Variants in NRDC observed in about 807,000 individuals in gnomAD.
NRDC encodes nardilysin convertase, also known as nardilysin.
NRDC carries 54 observed loss-of-function variants against 147.1 expected under a neutral mutation model. That is an observed-to-expected ratio of 0.37 (90% CI 0.29 to 0.46). NRDC has a LOEUF of 0.46. Ranked by LOEUF, NRDC falls within the 20% of genes least tolerant of loss-of-function variation. The pLI is 1.00. For synonymous variants in NRDC, 440 were observed against 482.1 expected (o/e 0.91, Z 1.14); for missense variants, 1,082 against 1,370.6 (o/e 0.79, Z 3.33).
Position 51,840,345 on chromosome 1 carries a change from C to A in NRDC, c.511G>T (p.Gly171Cys). The change falls in exon 2 of 31, where the codon GGT becomes TGT. Residue 171 changes from glycine (G) to cysteine (C), a missense_variant. Physicochemically the swap from Gly to Cys is radical, Grantham distance 159 (BLOSUM62 -3). Around this residue, in one of 3 missense-constraint regions of NRDC, gnomAD observed 260 missense variants for 253.2 expected, o/e 1.03. Coordinates refer to ENST00000352171, the MANE Select transcript of NRDC (RefSeq NM_001101662.2). ...TCAAACTCATCTTCATCATCAAAAC[C>A]CTCTTCATCGTCATCTTCTATTTCA... ...GAEIEDDDEE[G>C]FDDEDEFDDE... 5.2e-6 allele frequency: 8 copies of A among 1,530,380 alleles called. No individual in the cohort carries two copies. Among genetic ancestry groups the A allele is most frequent in the Non-Finnish European group, 7.2e-6 (8 of 1,104,458 alleles). The allele number at this position is 1,530,380 out of a possible 1,614,324, so 94.8% of individuals were successfully genotyped here. A position where few individuals can be genotyped will look rare whatever the true frequency, so the allele number is the denominator to read the frequency against.
At chr1:51,865,705 CT>C (rs1397762630) in intron 1 of NRDC, among the ~76,000 whole-genome samples, 1 of 151,926 alleles carries the variant, frequency 6.6e-6, no homozygotes, top group Non-Finnish European at 1.5e-5. Flanking sequence ...CTTGACTAAC[CT>C]TTAAAAAAAA....
intron 1 of NRDC, among the ~76,000 whole-genome samples, chr1:51,847,231 T>G (rs965059494): frequency 3.3e-5 from 5 of 152,072 alleles, no homozygotes; most frequent in Non-Finnish European, 5.9e-5. Flanking sequence ...AGGCACAGAG[T>G]GCTGACTGGT....
At position 51,849,595 on chromosome 1, in the gene NRDC, T is replaced by A. The variant is rs577369869; in HGVS notation, c.342-9081A>T. On this transcript the variant is annotated intron_variant, in intron 1 of 30. Coordinates refer to ENST00000352171, the MANE Select transcript of NRDC (RefSeq NM_001101662.2). ...ACTTTGGAAGGTGGAGGTGGATGGA[T>A]CACGAGGTCAGGAAATCAAGACCAT... Among the ~76,000 whole-genome samples the A allele has an allele frequency of 1.1e-4, 17 of 151,912 alleles. No individual in the cohort carries two copies. In the South Asian group the frequency reaches 2.7e-3, roughly 24 times the overall value.
At chr1:51,839,499 A>G (rs1364522214) in intron 2 of NRDC, among the ~76,000 whole-genome samples, 1 of 152,092 alleles carries the variant, frequency 6.6e-6, no homozygotes, top group Non-Finnish European at 1.5e-5. Flanking sequence ...TTGCTGGTCA[A>G]TTCCACTGTA....
chr1:51,869,885 T>C lies in NRDC; in HGVS notation c.341+8390A>G, dbSNP rs1211068531. On this transcript the variant is annotated intron_variant, in intron 1 of 30. Coordinates refer to ENST00000352171, the MANE Select transcript of NRDC (RefSeq NM_001101662.2). ...CATATTCATTTTCTCTGAAAATCAA[T>C]TGCTTTAAAACTGGCCAAAATACAC... Among the ~76,000 whole-genome samples, 5 of 152,322 alleles carry C rather than the reference T, an allele frequency of 3.3e-5. No individual in the cohort carries two copies. In the South Asian group the frequency reaches 8.3e-4, roughly 25 times the overall value.
chr1:51,803,148 T>G (rs1016355092), intron 20 of NRDC, among the ~76,000 whole-genome samples: 3 of 151,930 alleles, frequency 2.0e-5, no homozygotes, highest in African/African-American at 7.3e-5. Context: ...AGCATTTGAG[T>G]TCTACTCTAT....
intron 1 of NRDC, among the ~76,000 whole-genome samples, chr1:51,846,394 A>C (rs375381314): frequency 6.6e-6 from 1 of 152,210 alleles, no homozygotes; most frequent in African/African-American, 2.4e-5. Context: ...AATTACAGAC[A>C]TGAGCCACCG....
chr1:51,859,706 C>T (rs983462787), intron 1 of NRDC: 1 of 152,146 alleles, frequency 6.6e-6, no homozygotes, highest in Non-Finnish European at 1.5e-5. Context: ...GGGGAGGGTA[C>T]CTGTGTCACA....
chr1:51,818,271 C>G, intron 9 of NRDC, 136 bp from the exon 10 acceptor site: 1 of 566,246 alleles, frequency 1.8e-6, no homozygotes, highest in Middle Eastern at 4.7e-4. Flanking sequence ...ATTGTTTCAA[C>G]TTGCCAATTT....
intron 1 of NRDC, among the ~76,000 whole-genome samples, chr1:51,871,508 GGTTC>G (rs1269058084): frequency 4.9e-4 from 49 of 99,670 alleles, no homozygotes; most frequent in South Asian, 4.6e-3. Context: ...CTCCTCCACT[GGTTC>G]ATTAAAAAAA....
intron 1 of NRDC, among the ~76,000 whole-genome samples, chr1:51,876,491 T>C (rs775126955): frequency 6.6e-6 from 1 of 152,224 alleles, no homozygotes; most frequent in Non-Finnish European, 1.5e-5. Flanking sequence ...AAAGTTTGTG[T>C]ACATGAACCA....
At chr1:51,846,511 G>A (rs1337066062) in intron 1 of NRDC, among the ~76,000 whole-genome samples, 1 of 152,216 alleles carries the variant, frequency 6.6e-6, no homozygotes, top group Non-Finnish European at 1.5e-5. Context: ...GCGGAGCCCC[G>A]CGGTGAGTGT....
Position 51,790,915 on chromosome 1 carries a change from C to T in NRDC, c.3036G>A (p.Glu1012=). The change falls in exon 28 of 31, where the codon GAG becomes GAA. Residue 1012 remains glutamate, a synonymous_variant. Transcript: ENST00000352171. The part of the protein sequence containing the change: ...FEEKIENLTE[E]AFNTQVTALI... ...GCACAGTCACCTGGGTGTTGAATGCCTCTTCAGTGAGGTTCTCAATCTTCT... is the reference window on the plus strand; with the variant it reads ...GCACAGTCACCTGGGTGTTGAATGCTTCTTCAGTGAGGTTCTCAATCTTCT... The T allele has an allele frequency of 6.2e-7, 1 of 1,613,640 alleles. No individual in the cohort carries two copies. The highest frequency in any genetic ancestry group is 8.5e-7 in the Non-Finnish European group (1 of 1,179,690).
At chr1:51,795,745 T>C (rs1256069174) in intron 22 of NRDC, 2 of 153,294 alleles carry the variant, frequency 1.3e-5, no homozygotes, top group African/African-American at 2.4e-5. Context: ...ACTCCTCATA[T>C]GCTCCCACTC....
intron 1 of NRDC, among the ~76,000 whole-genome samples, chr1:51,847,439 G>A (rs1328797342): frequency 2.0e-5 from 3 of 152,372 alleles, no homozygotes; most frequent in East Asian, 1.9e-4. Flanking sequence ...GGCGGCGCTC[G>A]TTGGGGAGGC....
intron 8 of NRDC, among the ~76,000 whole-genome samples, chr1:51,820,709 T>C (rs888777218): frequency 1.3e-5 from 2 of 152,174 alleles, no homozygotes; most frequent in Non-Finnish European, 2.9e-5. Flanking sequence ...TAAGTTATTC[T>C]AACATTTTAT....
At chr1:51,877,862 C>T (rs1683409010) in intron 1 of NRDC, 1 of 259,622 alleles carries the variant, frequency 3.9e-6, no homozygotes, top group Non-Finnish European at 6.3e-6. Context: ...TCACCTATCA[C>T]TTAAGTGTCC....
intron 1 of NRDC, among the ~76,000 whole-genome samples, chr1:51,867,912 T>C (rs1428076094): frequency 6.6e-6 from 1 of 152,130 alleles, no homozygotes; most frequent in Non-Finnish European, 1.5e-5. Context: ...ATAAAGAAAT[T>C]TTCTCTCCTG....
At chr1:51,863,566 G>A (rs945099799) in intron 1 of NRDC, among the ~76,000 whole-genome samples, 2 of 152,244 alleles carry the variant, frequency 1.3e-5, no homozygotes, top group African/African-American at 4.8e-5. Context: ...GCTATAAAAA[G>A]TTAAAACAAG....
Sources: allele counts gnomAD v4.1 joint callset (sites outside exome capture counted in the v4.1 genomes callset), GRCh38; gene constraint gnomAD v4.1.1; regional missense constraint gnomAD v4.1.1; transcripts MANE v1.5; gene names NCBI Gene and HGNC (gene_info 2026-07-23, HGNC 2026-07-21).